NAALADL2: variants seen among roughly 807,000 people sequenced by gnomAD.
The protein encoded by NAALADL2 is N-acetylated alpha-linked acidic dipeptidase like 2.
In NAALADL2, 76 loss-of-function variants were observed where a neutral mutation model predicts 87.2. The observed-to-expected ratio is 0.87, with a 90% CI of 0.72 to 1.05. The LOEUF (loss-of-function observed/expected upper bound fraction) is 1.05, where lower values mean the gene tolerates loss of function less well. Among genes scored for constraint, NAALADL2 ranks in the 50% least tolerant of loss-of-function variants. The pLI is 0.00. For missense variants in NAALADL2, 1,089 were observed against 945.8 expected, an observed-to-expected ratio of 1.15 and a Z score of -1.99; for synonymous variants, 354 against 331.0, an observed-to-expected ratio of 1.07 and a Z score of -0.75.
rs78878701 is a variant in NAALADL2 at position 175,190,121 on chromosome 3, G to A, written c.546-43810G>A. Among the ~76,000 whole-genome samples the A allele has an allele frequency of 7.7e-3, 1,158 of 151,244 alleles. 14 individuals are homozygous for A. Among genetic ancestry groups the A allele is most frequent in the African/African-American group, 0.026 (1,071 of 41,256 alleles). ...CAAACTCCTGGAAGAGTACATAGGG[G>A]AAAAGCTCATTGACATTGGCCTTGG... On this transcript the variant is annotated intron_variant, in intron 2 of 13. Transcript: ENST00000454872.
At chr3:174,834,005 A>G (rs959104468) in intron 3 of NAALADL2, among the ~76,000 whole-genome samples, 1 of 150,636 alleles carries the variant, frequency 6.6e-6, no homozygotes, top group Non-Finnish European at 1.5e-5. Flanking sequence ...CAAAATGTCT[A>G]CTCTCTCAAT....
chr3:175,012,465 GC>G (rs1356866044), intron 1 of NAALADL2, among the ~76,000 whole-genome samples: 2 of 152,120 alleles, frequency 1.3e-5, no homozygotes, highest in Non-Finnish European at 2.9e-5. Context: ...ACCGTGCCTG[GC>G]CCATAAATTA....
intron 5 of NAALADL2, among the ~76,000 whole-genome samples, chr3:175,381,468 C>T (rs1767771780): frequency 6.6e-6 from 1 of 151,860 alleles, no homozygotes; most frequent in South Asian, 2.1e-4. Flanking sequence ...CTCAAAAAAT[C>T]ATATTTATTA....
chr3:174,483,258 T>C (rs1365899489), intron 1 of NAALADL2, among the ~76,000 whole-genome samples: 3 of 152,050 alleles, frequency 2.0e-5, no homozygotes, highest in African/African-American at 4.8e-5. Flanking sequence ...TGACTCACAG[T>C]TCCACATTGC....
intron 1 of NAALADL2, among the ~76,000 whole-genome samples, chr3:174,897,729 C>G (rs1040406901): frequency 2.9e-4 from 44 of 152,124 alleles, no homozygotes; most frequent in African/African-American, 9.2e-4. Flanking sequence ...ATAATTGTCA[C>G]AGCATTACAT....
chr3:174,862,823 T>G (rs1342177315), intron 1 of NAALADL2, among the ~76,000 whole-genome samples: 1 of 152,094 alleles, frequency 6.6e-6, no homozygotes, highest in African/African-American at 2.4e-5. Flanking sequence ...TGCCTGGATG[T>G]TTTGAGCGTT....
At chr3:174,832,496 C>G (rs1045378532) in intron 3 of NAALADL2, among the ~76,000 whole-genome samples, 3 of 152,082 alleles carry the variant, frequency 2.0e-5, no homozygotes, top group African/African-American at 7.2e-5. Context: ...GAGTCTGGCT[C>G]TGTCATCCAG....
chr3:174,612,162 GTGTAAT>G (rs1719978610), intron 2 of NAALADL2, among the ~76,000 whole-genome samples: 1 of 152,100 alleles, frequency 6.6e-6, no homozygotes, highest in African/African-American at 2.4e-5. Context: ...CTGCTGCCAG[GTGTAAT>G]AGAGCTCCAC....
chr3:174,660,928 G>A (rs6771422), intron 2 of NAALADL2, among the ~76,000 whole-genome samples: 4,231 of 152,108 alleles, frequency 0.028, 152 homozygotes, highest in African/African-American at 0.085. Context: ...TTATTAATAG[G>A]AAAGCATTAT....
intron 5 of NAALADL2, among the ~76,000 whole-genome samples, chr3:175,332,660 T>C (rs560466636): frequency 1.4e-4 from 22 of 152,352 alleles, no homozygotes; most frequent in African/African-American, 5.3e-4. Flanking sequence ...CATATAGTCT[T>C]TCATGGAAAA....
intron 9 of NAALADL2, among the ~76,000 whole-genome samples, chr3:175,528,696 C>T (rs1733731342): frequency 6.6e-6 from 1 of 152,166 alleles, no homozygotes; most frequent in South Asian, 2.1e-4. Context: ...CTTTGCACAA[C>T]TGAAAATGCA....
At chr3:175,618,024 C>T (rs1725585719) in intron 10 of NAALADL2, among the ~76,000 whole-genome samples, 1 of 152,180 alleles carries the variant, frequency 6.6e-6, no homozygotes, top group Non-Finnish European at 1.5e-5. Flanking sequence ...TTCCTTGGCA[C>T]TATATGAGAT....
At chr3:175,035,446 G>A (rs1753298246) in intron 1 of NAALADL2, among the ~76,000 whole-genome samples, 1 of 152,120 alleles carries the variant, frequency 6.6e-6, no homozygotes. Context: ...AATGTGGAGG[G>A]TCTGTGACAA....
At chr3:175,287,079 G>C (rs1011430499) in intron 4 of NAALADL2, among the ~76,000 whole-genome samples, 1 of 152,152 alleles carries the variant, frequency 6.6e-6, no homozygotes, top group Non-Finnish European at 1.5e-5. Context: ...CTGGGCAACA[G>C]ACTGAGACCT....
chr3:175,311,630 C>T (rs1229730158), intron 4 of NAALADL2, among the ~76,000 whole-genome samples: 4 of 150,124 alleles, frequency 2.7e-5, no homozygotes, highest in African/African-American at 7.3e-5. Flanking sequence ...TTCCCTCCCT[C>T]CCTTTATCCC....
At chr3:174,974,754 C>A (rs73881577) in intron 1 of NAALADL2, among the ~76,000 whole-genome samples, 1 of 151,936 alleles carries the variant, frequency 6.6e-6, no homozygotes, top group African/African-American at 2.4e-5. Context: ...AGGCTTTCCT[C>A]GGTCATTGCA....
intron 5 of NAALADL2, among the ~76,000 whole-genome samples, chr3:175,404,536 G>A (rs1242288939): frequency 6.6e-6 from 1 of 152,120 alleles, no homozygotes; most frequent in Non-Finnish European, 1.5e-5. Context: ...GAGAGTCAGA[G>A]AAGGTATATG....
At chr3:174,943,729 T>G (rs1208112019) in intron 1 of NAALADL2, among the ~76,000 whole-genome samples, 1 of 152,168 alleles carries the variant, frequency 6.6e-6, no homozygotes, top group Non-Finnish European at 1.5e-5. Context: ...TATTTGGTGA[T>G]GAGCAGCAGG....
At chr3:174,516,676 C>T (rs1463108571) in intron 1 of NAALADL2, among the ~76,000 whole-genome samples, 1 of 151,974 alleles carries the variant, frequency 6.6e-6, no homozygotes, top group East Asian at 1.9e-4. Context: ...ATACTCTTGT[C>T]TAATACAAGT....
Sources: gnomAD v4.1 joint callset for allele counts (sites outside exome capture counted in the v4.1 genomes callset) on GRCh38, gnomAD v4.1.1 for gene constraint, MANE v1.5 for transcripts, NCBI Gene and HGNC (gene_info 2026-07-23, HGNC 2026-07-21) for gene names.